Variants in HLA-DRB1 observed in about 807,000 individuals in gnomAD.
HLA-DRB1 encodes the protein major histocompatibility complex, class II, DR beta 1.
HLA-DRB1 carries 10 observed loss-of-function variants against 27.9 expected under a neutral mutation model. The ratio of observed to expected loss-of-function variants is 0.36; its 90% confidence interval spans 0.22 to 0.61. HLA-DRB1 has a LOEUF of 0.61. Among genes scored for constraint, HLA-DRB1 ranks in the 20% least tolerant of loss-of-function variants. The pLI is 0.73. For missense variants in HLA-DRB1, 118 were observed against 306.3 expected, an observed-to-expected ratio of 0.39 and a Z score of 4.59; for synonymous variants, 57 against 126.7, an observed-to-expected ratio of 0.45 and a Z score of 3.69.
At chr6:32,580,896 T>C (rs757105074) in intron 3 of HLA-DRB1, 40 bp from the exon 4 acceptor site, 3 of 1,459,712 alleles carry the variant, frequency 2.1e-6, no homozygotes, top group East Asian at 2.4e-5. Flanking sequence ...TTATTCCAAA[T>C]TGAACCTTTT....
At chr6:32,581,341 C>A (rs41288099) in intron 3 of HLA-DRB1, among the ~76,000 whole-genome samples, 856 of 81,938 alleles carry the variant, frequency 0.01, 35 homozygotes, top group African/African-American at 0.017. Context: ...AAAAGAGGGA[C>A]AGTCTCTCCC....
intron 1 of HLA-DRB1, among the ~76,000 whole-genome samples, chr6:32,585,149 CAT>C (rs1776213872): frequency 0.12 from 6,511 of 55,844 alleles, 548 homozygotes; most frequent in Non-Finnish European, 0.13. Flanking sequence ...CCCAGATAGA[CAT>C]ATACAACGTT....
At chr6:32,584,612 C>CT (rs1554127302) in intron 1 of HLA-DRB1, among the ~76,000 whole-genome samples, 1 of 146,088 alleles carries the variant, frequency 6.8e-6, no homozygotes, top group African/African-American at 2.6e-5. Context: ...TTGGGACCCC[C>CT]TCCCTGCCTC....
intron 2 of HLA-DRB1, among the ~76,000 whole-genome samples, chr6:32,582,444 T>C (rs1472954290): frequency 8.2e-6 from 1 of 122,236 alleles, no homozygotes; most frequent in Non-Finnish European, 1.7e-5. Flanking sequence ...AAAATATGAT[T>C]TAAAGCAATA....
rs1289972580 is a variant in HLA-DRB1 at position 32,584,017 on chromosome 6, T to TCTCTCA, written c.370+91_370+92insTGAGAG. 6.7e-5 allele frequency: 10 copies of TCTCTCA among 150,108 alleles called. No homozygotes were observed. The African/African-American group carries it at 1.2e-3, about 19-fold the overall frequency. 9.3% of individuals were successfully genotyped at this position (150,108 alleles called of 1,614,324 possible). ...CTCTCTGTCTCTCTCTGTCTCTCTC[T>TCTCTCA]CACACACACACACACACACACACAC... On this transcript the variant is annotated intron_variant, in intron 2 of 5. Transcript: ENST00000360004.
chr6:32,587,828 C>G (rs9270164), intron 1 of HLA-DRB1, among the ~76,000 whole-genome samples: 5,687 of 89,282 alleles, frequency 0.064, 19 homozygotes, highest in East Asian at 0.12. Flanking sequence ...CTCCTCTACT[C>G]TTGTGTAACT....
chr6:32,589,428 TG>T (rs1777026068), intron 1 of HLA-DRB1, among the ~76,000 whole-genome samples: 1 of 79,836 alleles, frequency 1.3e-5, no homozygotes, highest in African/African-American at 5.3e-5. Flanking sequence ...TGAAAAGAAA[TG>T]ATTTGTGCAA....
intron 1 of HLA-DRB1, among the ~76,000 whole-genome samples, 152 bp from the exon 2 acceptor site, chr6:32,584,530 A>C (rs9269973): frequency 0.096 from 11,353 of 117,830 alleles, 386 homozygotes; most frequent in Middle Eastern, 0.17. Flanking sequence ...CCAGGAGCTC[A>C]TCCTCCGTCT....
intron 1 of HLA-DRB1, among the ~76,000 whole-genome samples, chr6:32,585,901 A>C (rs1274136470): frequency 7.2e-6 from 1 of 138,962 alleles, no homozygotes; most frequent in Non-Finnish European, 1.5e-5. Flanking sequence ...TCATTATTGA[A>C]ATTGAATACT....
At chr6:32,580,954 G>GT in intron 3 of HLA-DRB1, 98 bp from the exon 4 acceptor site, 1 of 805,510 alleles carries the variant, frequency 1.2e-6, no homozygotes. Context: ...GCAGAAAGCT[G>GT]CCTCACAAGA....
chr6:32,585,181 T>A (rs1776220297), intron 1 of HLA-DRB1, among the ~76,000 whole-genome samples: 1 of 86,928 alleles, frequency 1.2e-5, no homozygotes, highest in African/African-American at 5.2e-5. Flanking sequence ...AAATGCAAAA[T>A]GAATGAAAGT....
chr6:32,586,168 G>C (rs1457581352), intron 1 of HLA-DRB1, among the ~76,000 whole-genome samples: 1 of 117,114 alleles, frequency 8.5e-6, no homozygotes, highest in East Asian at 2.7e-4. Context: ...AGCATCTCTG[G>C]TTCACAGGTC....
intron 1 of HLA-DRB1, among the ~76,000 whole-genome samples, chr6:32,586,402 A>C (rs9270078): frequency 1.4e-5 from 1 of 73,040 alleles, no homozygotes; most frequent in Non-Finnish European, 2.6e-5. Flanking sequence ...TCTCTATCAT[A>C]TTCTCACTTG....
intron 1 of HLA-DRB1, among the ~76,000 whole-genome samples, chr6:32,587,959 A>G (rs34977123): frequency 0.075 from 10,438 of 140,090 alleles, 2 homozygotes; most frequent in Admixed American, 0.13. Context: ...AAACCAGGGT[A>G]TGGGAACTGA....
At position 32,583,790 on chromosome 6, in the gene HLA-DRB1, C is replaced by T. The variant is rs796687237; in HGVS notation, c.370+319G>A. ...AATCAAGGTCTCCTCTCTCTCCAGCCCCCAGCACCCACCTCCCTTGTCACC... is the reference window on the plus strand; with the variant it reads ...AATCAAGGTCTCCTCTCTCTCCAGCTCCCAGCACCCACCTCCCTTGTCACC... On this transcript the variant is annotated intron_variant, in intron 2 of 5. Transcript: ENST00000360004. Among the ~76,000 whole-genome samples the T allele has an allele frequency of 3.6e-3, 299 of 82,578 alleles. 19 individuals carry two copies. Among genetic ancestry groups the T allele is most frequent in the South Asian group, 0.011 (23 of 2,120 alleles). 54.2% of individuals were successfully genotyped at this position (82,578 alleles called of 152,430 possible).
intron 3 of HLA-DRB1, among the ~76,000 whole-genome samples, chr6:32,581,075 C>T (rs9269776): frequency 0.011 from 545 of 47,704 alleles, 14 homozygotes; most frequent in Admixed American, 0.017. Flanking sequence ...ATGTAAGGCA[C>T]AAGTTCAACA....
At chr6:32,584,987 G>A (rs35906574) in intron 1 of HLA-DRB1, among the ~76,000 whole-genome samples, 15 of 38,368 alleles carry the variant, frequency 3.9e-4, no homozygotes, top group African/African-American at 6.7e-4. Context: ...AAGATTCCCA[G>A]TTAAATTTGG....
chr6:32,581,469 T>C (rs41292729), intron 3 of HLA-DRB1, 88 bp downstream of exon 3: 34,086 of 495,676 alleles, frequency 0.069, 2,805 homozygotes, highest in African/African-American at 0.11. Flanking sequence ...TAAAATAGGA[T>C]GTGGGAGAGG....
chr6:32,581,286 CTG>C (rs1775433727), intron 3 of HLA-DRB1, among the ~76,000 whole-genome samples: 4,584 of 60,376 alleles, frequency 0.076, 20 homozygotes, highest in Middle Eastern at 0.14. Context: ...GGCCTGGAGC[CTG>C]GGAGAGTGGG....
Sources: allele counts gnomAD v4.1 joint callset (sites outside exome capture counted in the v4.1 genomes callset), GRCh38; gene constraint gnomAD v4.1.1; transcripts MANE v1.5; gene names NCBI Gene and HGNC (gene_info 2026-07-23, HGNC 2026-07-21).